CCDC158: variants seen among roughly 807,000 people sequenced by gnomAD.
CCDC158 encodes the protein coiled-coil domain-containing protein 158.
In CCDC158, 116 loss-of-function variants were observed where a neutral mutation model predicts 138.6. That is an observed-to-expected ratio of 0.84 (90% CI 0.72 to 0.98). CCDC158 has a LOEUF of 0.98. Among genes scored for constraint, CCDC158 ranks in the 50% least tolerant of loss-of-function variants. The pLI, the probability that CCDC158 is intolerant of heterozygous loss-of-function variation, is 0.00. For missense variants in CCDC158, 1,265 were observed against 1,306.1 expected (o/e 0.97, Z 0.48); for synonymous variants, 436 against 442.4 (o/e 0.99, Z 0.18).
chr4:76,388,196 A>G (rs1273621641), intron 4 of CCDC158, among the ~76,000 whole-genome samples: 3 of 152,044 alleles, frequency 2.0e-5, no homozygotes, highest in African/African-American at 7.2e-5. Flanking sequence ...AGAAAAGCAG[A>G]GGGAAAAGTA....
At chr4:76,386,039 T>C (rs1263171576) in intron 4 of CCDC158, among the ~76,000 whole-genome samples, 1 of 152,178 alleles carries the variant, frequency 6.6e-6, no homozygotes, top group Non-Finnish European at 1.5e-5. Flanking sequence ...ATAGAGTCAT[T>C]CTCAGACATG....
chr4:76,335,036 A>AG (rs1721350429), intron 18 of CCDC158, among the ~76,000 whole-genome samples: 1 of 152,250 alleles, frequency 6.6e-6, no homozygotes. Flanking sequence ...TGAGAGTTCC[A>AG]ACTCACTGAA....
Position 76,369,588 on chromosome 4 carries a change from C to T in CCDC158, c.1185G>A (p.Leu395=), listed in dbSNP as rs1287261371. The T allele has an allele frequency of 1.2e-6, 2 of 1,614,168 alleles. No homozygotes were observed. The highest frequency in any genetic ancestry group is 3.3e-5 in the Admixed American group (2 of 60,024). The change falls in exon 11 of 25, where the codon CTG becomes CTA. Residue 395 remains leucine, a synonymous_variant. Transcript: ENST00000682701. ...ACAGACGCTTATTCTGCTCCTTCTC[C>T]AGACTCAGCTCCTTCTCCCTTTTGT... ...DLHKREKELS[L]EKEQNKRLWD...
intron 4 of CCDC158, among the ~76,000 whole-genome samples, chr4:76,387,938 G>A (rs565463094): frequency 9.2e-5 from 14 of 152,090 alleles, no homozygotes; most frequent in African/African-American, 2.6e-4. Context: ...ATTTGAACCC[G>A]GGAGGGAGAG....
chr4:76,355,048 G>T (rs1047981608), intron 15 of CCDC158, among the ~76,000 whole-genome samples: 2 of 152,126 alleles, frequency 1.3e-5, no homozygotes, highest in Non-Finnish European at 2.9e-5. Flanking sequence ...TTACAAACAT[G>T]TATGTCACAT....
intron 12 of CCDC158, among the ~76,000 whole-genome samples, chr4:76,365,337 G>A (rs532059136): frequency 6.6e-6 from 1 of 152,202 alleles, no homozygotes; most frequent in African/African-American, 2.4e-5. Context: ...TAGGACTTGA[G>A]TTTTAAACTT....
chr4:76,400,187 A>T (rs1260591379), intron 3 of CCDC158, among the ~76,000 whole-genome samples: 1 of 152,070 alleles, frequency 6.6e-6, no homozygotes, highest in Non-Finnish European at 1.5e-5. Context: ...GGATTAAGAA[A>T]ATGTGGCACA....
At chr4:76,317,372 T>G (rs1403405687) in intron 24 of CCDC158, among the ~76,000 whole-genome samples, 1 of 151,942 alleles carries the variant, frequency 6.6e-6, no homozygotes, top group African/African-American at 2.4e-5. Flanking sequence ...CAACAACAGT[T>G]CAGAAAGACA....
intron 1 of CCDC158, among the ~76,000 whole-genome samples, chr4:76,417,052 T>C (rs1036031644): frequency 6.6e-6 from 1 of 152,124 alleles, no homozygotes; most frequent in African/African-American, 2.4e-5. Context: ...AGAGAGGCTG[T>C]ACCCTGCAAA....
At chr4:76,402,654 C>T (rs1281939365) in intron 3 of CCDC158, among the ~76,000 whole-genome samples, 1 of 152,066 alleles carries the variant, frequency 6.6e-6, no homozygotes, top group Non-Finnish European at 1.5e-5. Flanking sequence ...ATAGGAATCA[C>T]CTTTGATTGA....
chr4:76,357,380 C>A lies in CCDC158; in HGVS notation c.2167G>T (p.Gly723Cys). The A allele has an allele frequency of 6.5e-7, 1 of 1,541,686 alleles. No individual in the cohort carries two copies. Among genetic ancestry groups the A allele is most frequent in the Non-Finnish European group, 8.7e-7 (1 of 1,148,716 alleles). Residue 723 changes from glycine (G) to cysteine (C), a missense_variant, in exon 14 of 25, where the codon GGT (glycine) becomes TGT (cysteine). By Grantham distance (159) the Gly-to-Cys change is radical. Transcript: ENST00000682701. Reference protein sequence around the residue: ...NTLKSMEGSDGHAMKVAMGMQ... With the variant: ...NTLKSMEGSDCHAMKVAMGMQ... ...TAAATCTAACAGAGCATACCATGAC[C>A]ATCAGATCCTTCCATTGACTTTAAT...
intron 4 of CCDC158, among the ~76,000 whole-genome samples, chr4:76,387,019 C>A (rs914091901): frequency 2.6e-5 from 4 of 152,132 alleles, no homozygotes; most frequent in African/African-American, 9.7e-5. Context: ...AATTCTTAGG[C>A]AATTCCTAGT....
Position 76,367,389 on chromosome 4 carries a change from C to T in CCDC158, c.1735G>A (p.Gly579Ser), listed in dbSNP as rs765950265. 1.9e-6 allele frequency: 3 copies of T among 1,614,094 alleles called. No individual in the cohort carries two copies. The African/African-American group carries it at 4.0e-5, about 22-fold the overall frequency. ...QQIENMTQLV[G>S]QHGRTAGAMQ... Reference sequence around the variant, plus strand: ...GCTCCAGCAGTTCGTCCATGCTGGCCCACCAGCTGTGTCATGTTCTCAATC... The same window carrying T: ...GCTCCAGCAGTTCGTCCATGCTGGCTCACCAGCTGTGTCATGTTCTCAATC... Residue 579 changes from glycine to serine, a missense_variant, in exon 12 of 25, where the codon GGC (glycine) becomes AGC (serine). Coordinates refer to ENST00000682701, the MANE Select transcript of CCDC158 (RefSeq NM_001394954.1).
Position 76,325,956 on chromosome 4 carries a change from G to A in CCDC158, c.3070C>T (p.Pro1024Ser), listed in dbSNP as rs1478138967. ...RSFNSSPKKS[P>S]VHSLLTSSVE... ...GAACTAGTTAGGAGTGAGTGCACTGGAGACTTCTTAGGAGAAGAATTGAAT... is the reference window on the plus strand; with the variant it reads ...GAACTAGTTAGGAGTGAGTGCACTGAAGACTTCTTAGGAGAAGAATTGAAT... Residue 1024 changes from proline (P) to serine (S), a missense_variant, in exon 23 of 25, where the codon CCA becomes TCA. Transcript: ENST00000682701. 10 of 1,613,476 alleles carry A rather than the reference G, an allele frequency of 6.2e-6. No homozygotes were observed. Among genetic ancestry groups the A allele is most frequent in the African/African-American group, 1.3e-5 (1 of 74,916 alleles).
chr4:76,321,753 A>G (rs1310531946), intron 24 of CCDC158, among the ~76,000 whole-genome samples: 1 of 145,686 alleles, frequency 6.9e-6, no homozygotes, highest in Non-Finnish European at 1.5e-5. Flanking sequence ...ATATGTAAAT[A>G]TATATATTTT....
Position 76,367,673 on chromosome 4 carries a change from A to G in CCDC158, c.1451T>C (p.Leu484Ser). ...CTCCAGAGTCATTTTCTTGGCTGTC[A>G]ACTCTTCTACTACTTTGCGCAGCAT... ...KEMLRKVVEE[L>S]TAKKMTLESS... Residue 484 changes from leucine to serine, a missense_variant, in exon 12 of 25, where the codon TTG becomes TCG. By Grantham distance (145) the Leu-to-Ser change is moderately radical (BLOSUM62 -2). Transcript: ENST00000682701. 5 of 1,614,144 alleles carry G rather than the reference A, an allele frequency of 3.1e-6. No homozygotes were observed. The highest frequency in any genetic ancestry group is 4.2e-6 in the Non-Finnish European group (5 of 1,180,022).
Position 76,313,310 on chromosome 4 carries a change from C to T in CCDC158, c.3278-64G>A, listed in dbSNP as rs940493105. On this transcript the variant is annotated intron_variant, in intron 24 of 24. Coordinates refer to ENST00000682701, the MANE Select transcript of CCDC158 (RefSeq NM_001394954.1). ...ACTTAGGCTTTAATTCTACTATGTG[C>T]TACTTAAAAGATCAGCTTGATAGTA... 2.2e-5 allele frequency: 21 copies of T among 961,012 alleles called. No homozygotes were observed. In the South Asian group the frequency reaches 3.2e-4, roughly 15 times the overall value. The allele number at this position is 961,012 out of a possible 1,614,324, so 59.5% of individuals were successfully genotyped here.
intron 24 of CCDC158, among the ~76,000 whole-genome samples, chr4:76,314,685 A>G (rs1719202101): frequency 6.6e-6 from 1 of 152,128 alleles, no homozygotes; most frequent in Non-Finnish European, 1.5e-5. Flanking sequence ...GCAAAATATA[A>G]AAGTAGAAGG....
rs775921599 is a variant in CCDC158, at chr4:76,334,124, T to A, written c.2708A>T (p.Asp903Val). 6.2e-7 allele frequency: 1 copy of A among 1,613,586 alleles called. No homozygotes were observed. The highest frequency in any genetic ancestry group is 1.1e-5 in the South Asian group (1 of 90,992). ...ANTLKEDPTR[D>V]LKQLLQELRS... ...CAACTCTTGGAGAAGCTGTTTCAGG[T>A]CCCTTGTTGGATCTTCCTTCAGTGT... Residue 903 changes from aspartate (D) to valine (V), a missense_variant, in exon 19 of 25, where the codon GAC (aspartate) becomes GTC (valine). By Grantham distance (152) the Asp-to-Val change is radical (BLOSUM62 -3). Coordinates refer to ENST00000682701, the MANE Select transcript of CCDC158 (RefSeq NM_001394954.1).
Sources: allele counts gnomAD v4.1 joint callset (sites outside exome capture counted in the v4.1 genomes callset), GRCh38; gene constraint gnomAD v4.1.1; transcripts MANE v1.5; gene names NCBI Gene and HGNC (gene_info 2026-07-23, HGNC 2026-07-21).